Variants in ETS1 observed in about 807,000 individuals in gnomAD.
ETS1 encodes protein C-ets-1.
Under a neutral mutation model 58.6 loss-of-function variants are expected in ETS1, and 15 were observed. That is an observed-to-expected ratio of 0.26 (90% CI 0.17 to 0.39). The LOEUF (loss-of-function observed/expected upper bound fraction) is 0.39. Ranked by LOEUF, ETS1 falls within the 10% of genes least tolerant of loss-of-function variation. The pLI, the probability that ETS1 is intolerant of heterozygous loss-of-function variation, is 1.00. For synonymous variants in ETS1, 214 were observed against 218.2 expected, an observed-to-expected ratio of 0.98 and a Z score of 0.17; for missense variants, 417 against 610.5, an observed-to-expected ratio of 0.68 and a Z score of 3.34.
rs76680435 is a variant in ETS1 at position 128,550,008 on chromosome 11, A to G, written c.214+6283T>C. Among the ~76,000 whole-genome samples the G allele has an allele frequency of 2.2e-3, 329 of 152,340 alleles. 8 individuals are homozygous for G. In the East Asian group the frequency reaches 0.051, roughly 24 times the overall value. On this transcript the variant is annotated intron_variant, in intron 3 of 9. Coordinates refer to ENST00000392668, the MANE Select transcript of ETS1 (RefSeq NM_001143820.2). ...AGGAAAAAGAAGAAAAGCAGCGTTT[A>G]TTTATTGGTCCCCTGCGATAGGCCA...
At chr11:128,465,305 T>C (rs892585618) in intron 8 of ETS1, among the ~76,000 whole-genome samples, 1 of 152,234 alleles carries the variant, frequency 6.6e-6, no homozygotes, top group Non-Finnish European at 1.5e-5. Flanking sequence ...TGAATGCCTA[T>C]AAAATAAAGT....
chr11:128,576,261 A>G (rs1864746317), intron 1 of ETS1, among the ~76,000 whole-genome samples: 1 of 152,198 alleles, frequency 6.6e-6, no homozygotes, highest in Non-Finnish European at 1.5e-5. Flanking sequence ...CCCTTTTTCC[A>G]CTTGTAGATT....
intron 3 of ETS1, among the ~76,000 whole-genome samples, chr11:128,548,500 G>T (rs1864172948): frequency 6.6e-6 from 1 of 152,164 alleles, no homozygotes; most frequent in African/African-American, 2.4e-5. Flanking sequence ...CAGCTCTCTT[G>T]ATCCTTTGTT....
chr11:128,522,508 G>A (rs936565182), intron 3 of ETS1: 1 of 296,570 alleles, frequency 3.4e-6, no homozygotes, highest in African/African-American at 2.3e-5. Context: ...CTCCGCCCGC[G>A]GCCCAAAGCG....
rs1381493296 is a variant in ETS1 at position 128,489,456 on chromosome 11, G to C, written c.369C>G (p.Asp123Glu). 6.2e-7 allele frequency: 1 copy of C among 1,614,094 alleles called. No homozygotes were observed. Among genetic ancestry groups the C allele is most frequent in the South Asian group, 1.1e-5 (1 of 91,080 alleles). ...PRQWTETHVR[D>E]WVMWAVNEFS... ...ATTCATTCACAGCCCACATCACCCA[G>C]TCCCGAACATGGGTTTCTGTCCACT... The change falls in exon 5 of 10, where the codon GAC becomes GAG. Residue 123 changes from aspartate (D) to glutamate (E), a missense_variant. Coordinates refer to ENST00000392668, the MANE Select transcript of ETS1 (RefSeq NM_001143820.2).
chr11:128,549,194 C>G lies in ETS1; in HGVS notation c.214+7097G>C, dbSNP rs1441170976. Among the ~76,000 whole-genome samples the G allele has an allele frequency of 6.6e-6, 1 of 152,194 alleles. No homozygotes were observed. The highest frequency in any genetic ancestry group is 2.4e-5 in the African/African-American group (1 of 41,454). On this transcript the variant is annotated intron_variant, in intron 3 of 9. Coordinates refer to ENST00000392668, the MANE Select transcript of ETS1 (RefSeq NM_001143820.2). The surrounding 1 kb of genome is among the most constrained non-coding windows in gnomAD (Gnocchi z 4.3). ...TGGAGAGAGAGCCCGTGTCTCTAGGCGGCCAGACACAGCACTACAGGCTGT... is the reference window on the plus strand; with the variant it reads ...TGGAGAGAGAGCCCGTGTCTCTAGGGGGCCAGACACAGCACTACAGGCTGT...
intron 3 of ETS1, among the ~76,000 whole-genome samples, chr11:128,544,758 C>T (rs1045934162): frequency 2.3e-4 from 35 of 152,234 alleles, no homozygotes; most frequent in African/African-American, 7.9e-4. Flanking sequence ...GTATTTAATT[C>T]ATTGTGAAAT....
chr11:128,469,818 G>A (rs1862136487), intron 8 of ETS1, among the ~76,000 whole-genome samples: 1 of 152,150 alleles, frequency 6.6e-6, no homozygotes, highest in South Asian at 2.1e-4. Flanking sequence ...CATTTCTTCT[G>A]AGTTGTATAT....
intron 1 of ETS1, among the ~76,000 whole-genome samples, chr11:128,580,176 T>TAA (rs140049360): frequency 1.5e-4 from 15 of 102,370 alleles, no homozygotes; most frequent in African/African-American, 5.6e-4. Context: ...GTTTGGACAT[T>TAA]AAAAAAAAAA....
chr11:128,482,501 A>C (rs1862512553), intron 7 of ETS1, among the ~76,000 whole-genome samples: 1 of 152,176 alleles, frequency 6.6e-6, no homozygotes, highest in Non-Finnish European at 1.5e-5. Context: ...CACAAGCAAG[A>C]TAGTAGAGTT....
chr11:128,585,108 G>GA (rs1468912421), intron 1 of ETS1, among the ~76,000 whole-genome samples: 6 of 16,252 alleles, frequency 3.7e-4, no homozygotes, highest in African/African-American at 2.4e-3. Context: ...AGAAAGGAAG[G>GA]AAGGAAGGAA....
intron 3 of ETS1, among the ~76,000 whole-genome samples, chr11:128,512,849 G>C (rs1179900672): frequency 1.3e-5 from 2 of 152,266 alleles, no homozygotes; most frequent in Non-Finnish European, 2.9e-5. Flanking sequence ...AGGCAGATTG[G>C]ATGAAATAAG....
At chr11:128,493,554 A>G (rs951284897) in intron 3 of ETS1, among the ~76,000 whole-genome samples, 67 of 152,346 alleles carry the variant, frequency 4.4e-4, no homozygotes, top group Middle Eastern at 3.4e-3. Context: ...AAGGGTTCAC[A>G]TCCCAGCTGG....
At chr11:128,467,624 G>A (rs544566905) in intron 8 of ETS1, among the ~76,000 whole-genome samples, 2 of 152,182 alleles carry the variant, frequency 1.3e-5, no homozygotes, top group South Asian at 4.2e-4. Flanking sequence ...GTCCCCTAGA[G>A]CAGAAAACGG....
chr11:128,528,014 C>G (rs761726399), intron 3 of ETS1, among the ~76,000 whole-genome samples: 1 of 152,060 alleles, frequency 6.6e-6, no homozygotes, highest in African/African-American at 2.4e-5. Context: ...AGAAATAGCC[C>G]TGAAAGGAAA....
chr11:128,508,313 T>G (rs947900030), intron 3 of ETS1, among the ~76,000 whole-genome samples: 6 of 152,232 alleles, frequency 3.9e-5, no homozygotes, highest in African/African-American at 1.4e-4. Context: ...ACAGGAATTA[T>G]CTCTAATCCT....
intron 3 of ETS1, among the ~76,000 whole-genome samples, chr11:128,531,113 T>A (rs1024357627): frequency 3.3e-5 from 5 of 152,184 alleles, no homozygotes; most frequent in Non-Finnish European, 5.9e-5. Context: ...TAGAATAAAT[T>A]TAAACTCTAA....
intron 2 of ETS1, among the ~76,000 whole-genome samples, chr11:128,557,969 G>C (rs556020579): frequency 1.3e-5 from 2 of 152,122 alleles, no homozygotes; most frequent in Admixed American, 6.6e-5. Flanking sequence ...ATTCACTTAA[G>C]ATCAGTAAAA....
At chr11:128,528,092 G>A (rs1863834127) in intron 3 of ETS1, among the ~76,000 whole-genome samples, 1 of 152,176 alleles carries the variant, frequency 6.6e-6, no homozygotes, top group South Asian at 2.1e-4. Context: ...TGTAAGTCGA[G>A]GACAGAGAAG....
Sources: gnomAD v4.1 joint callset for allele counts (sites outside exome capture counted in the v4.1 genomes callset) on GRCh38, gnomAD v4.1.1 for gene constraint, Gnocchi (gnomAD v3.1) non-coding constraint, MANE v1.5 for transcripts, NCBI Gene and HGNC (gene_info 2026-07-23, HGNC 2026-07-21) for gene names.